ZDHHC7: variants seen among roughly 807,000 people sequenced by gnomAD.
ZDHHC7 encodes the protein zDHHC palmitoyltransferase 7.
A neutral mutation model predicts 34.1 loss-of-function variants in ZDHHC7; 12 were observed. That is an observed-to-expected ratio of 0.35 (90% confidence interval 0.23 to 0.57). The LOEUF (loss-of-function observed/expected upper bound fraction) is 0.57, where lower values mean the gene tolerates loss of function less well. Among genes scored for constraint, ZDHHC7 ranks in the 20% least tolerant of loss-of-function variants. ZDHHC7 has a pLI of 0.84. For synonymous variants in ZDHHC7, 185 were observed against 155.4 expected (o/e 1.19, Z -1.42); for missense variants, 388 against 402.7 (o/e 0.96, Z 0.31).
the ZDHHC7 span, among the ~76,000 whole-genome samples, chr16:85,022,013 A>G: frequency 1.5e-4 from 22 of 151,440 alleles, no homozygotes; most frequent in South Asian, 4.6e-3. Context: ...AAAAAAAATT[A>G]GCCAGGCGTG....
At chr16:85,021,137 T>G in the ZDHHC7 span, among the ~76,000 whole-genome samples, 2 of 144,558 alleles carry the variant, frequency 1.4e-5, no homozygotes, top group South Asian at 2.2e-4. Flanking sequence ...AAGGGGGGGG[T>G]GCACAGTGGC....
chr16:85,020,115 C>G, the ZDHHC7 span, among the ~76,000 whole-genome samples: 1 of 152,238 alleles, frequency 6.6e-6, no homozygotes, highest in African/African-American at 2.4e-5. Context: ...AGCCCACAAT[C>G]CTAGCTCTGT....
upstream of ZDHHC7, among the ~76,000 whole-genome samples, chr16:85,011,785 C>T (rs1340646976): frequency 6.6e-6 from 1 of 152,216 alleles, no homozygotes; most frequent in African/African-American, 2.4e-5. Context: ...GCTGCGGAAC[C>T]GGGTTGGGAA....
At chr16:84,997,623 A>C (rs1330890492) in intron 1 of ZDHHC7, among the ~76,000 whole-genome samples, 1 of 150,844 alleles carries the variant, frequency 6.6e-6, no homozygotes, top group Non-Finnish European at 1.5e-5. Context: ...GGCCAGGCAC[A>C]GTGGCTCACG....
chr16:85,024,867 G>C, the ZDHHC7 span, among the ~76,000 whole-genome samples: 2 of 152,240 alleles, frequency 1.3e-5, no homozygotes, highest in African/African-American at 4.8e-5. Context: ...AGTCCATTCA[G>C]AACAAATCCT....
At chr16:85,008,024 A>T (rs1403098709) in intron 1 of ZDHHC7, among the ~76,000 whole-genome samples, 1 of 151,944 alleles carries the variant, frequency 6.6e-6, no homozygotes, top group East Asian at 1.9e-4. Context: ...CTGAGGTAGA[A>T]GAAACCACTT....
intron 1 of ZDHHC7, among the ~76,000 whole-genome samples, chr16:85,008,025 G>A (rs1464051856): frequency 6.6e-6 from 1 of 151,922 alleles, no homozygotes; most frequent in African/African-American, 2.4e-5. Context: ...TGAGGTAGAA[G>A]AAACCACTTG....
chr16:85,024,281 G>C, the ZDHHC7 span, among the ~76,000 whole-genome samples: 3 of 138,004 alleles, frequency 2.2e-5, no homozygotes, highest in Non-Finnish European at 4.5e-5. Context: ...GCCTAGGCTA[G>C]AGTGCAATGG....
chr16:85,026,813 C>T, the ZDHHC7 span, among the ~76,000 whole-genome samples: 1 of 151,892 alleles, frequency 6.6e-6, no homozygotes, highest in African/African-American at 2.4e-5. Context: ...CCAGAAGGAG[C>T]ATTATAGCAC....
Position 84,974,226 on chromosome 16 carries a change from C to G in ZDHHC7, c.*2117G>C, listed in dbSNP as rs1049269996. 22 of 152,184 alleles carry G rather than the reference C, an allele frequency of 1.4e-4. No homozygotes were observed. Among genetic ancestry groups the G allele is most frequent in the African/African-American group, 5.1e-4 (21 of 41,446 alleles). 9.4% of individuals were successfully genotyped at this position (152,184 alleles called of 1,614,324 possible). A position where few individuals can be genotyped will look rare whatever the true frequency, so the allele number is the denominator to read the frequency against. ...ATTTCAACGTGCACTAAAAAAAGGA[C>G]TAAGTAAAACGATGGGAGTCGAATT... On this transcript the variant is annotated 3_prime_UTR_variant, in exon 8 of 8. Coordinates refer to ENST00000313732, the MANE Select transcript of ZDHHC7 (RefSeq NM_017740.3).
intron 1 of ZDHHC7, among the ~76,000 whole-genome samples, chr16:85,000,822 A>T (rs1597558075): frequency 6.6e-6 from 1 of 152,348 alleles, no homozygotes; most frequent in East Asian, 1.9e-4. Flanking sequence ...AGCAGAGCGC[A>T]CACAGCAGCG....
chr16:84,998,119 C>T (rs1405893105), intron 1 of ZDHHC7, among the ~76,000 whole-genome samples: 2 of 150,728 alleles, frequency 1.3e-5, no homozygotes, highest in East Asian at 3.9e-4. Flanking sequence ...AAAAAATTAG[C>T]CGGGCGTGGT....
chr16:85,015,042 T>C (rs1016504154), upstream of ZDHHC7, among the ~76,000 whole-genome samples: 7 of 151,792 alleles, frequency 4.6e-5, no homozygotes, highest in African/African-American at 1.7e-4. Flanking sequence ...TAAGGGGTTG[T>C]GGAGACTTTG....
upstream of ZDHHC7, among the ~76,000 whole-genome samples, chr16:85,013,334 C>T (rs529624285): frequency 2.4e-4 from 37 of 151,592 alleles, no homozygotes; most frequent in Admixed American, 7.2e-4. Flanking sequence ...CCTCCACTTC[C>T]GGGGTTTAAG....
chr16:85,008,248 A>C (rs970716875), intron 1 of ZDHHC7, among the ~76,000 whole-genome samples: 4 of 152,060 alleles, frequency 2.6e-5, no homozygotes, highest in Non-Finnish European at 5.9e-5. Flanking sequence ...CTATCTGGGA[A>C]CTAATATCAA....
At chr16:84,989,817 T>C (rs1370580161) in intron 3 of ZDHHC7, among the ~76,000 whole-genome samples, 1 of 151,882 alleles carries the variant, frequency 6.6e-6, no homozygotes, top group Non-Finnish European at 1.5e-5. Context: ...CCCTATACCA[T>C]GGTTTAAAAC....
rs569242726 is a variant in ZDHHC7 at position 84,990,685 on chromosome 16, C to T, written c.-17-50G>A. The T allele has an allele frequency of 2.1e-5, 31 of 1,496,742 alleles. No individual in the cohort carries two copies. The African/African-American group carries it at 3.0e-4, about 15-fold the overall frequency. The allele number at this position is 1,496,742 out of a possible 1,614,324, so 92.7% of individuals were successfully genotyped here. ...TGGTAAGGCTCAAAAAGCTCACAAGCTACCTTAAATATGATGTGTTACAGT... is the reference window on the plus strand; with the variant it reads ...TGGTAAGGCTCAAAAAGCTCACAAGTTACCTTAAATATGATGTGTTACAGT... On this transcript the variant is annotated intron_variant, in intron 2 of 7. Coordinates refer to ENST00000313732, the MANE Select transcript of ZDHHC7 (RefSeq NM_017740.3).
chr16:85,014,184 G>A (rs2072824982), upstream of ZDHHC7, among the ~76,000 whole-genome samples: 1 of 152,178 alleles, frequency 6.6e-6, no homozygotes, highest in Non-Finnish European at 1.5e-5. Context: ...TAATCAAAAG[G>A]ATTGGAATCT....
intron 1 of ZDHHC7, among the ~76,000 whole-genome samples, chr16:85,007,619 C>T (rs1251530778): frequency 6.6e-6 from 1 of 151,874 alleles, no homozygotes; most frequent in African/African-American, 2.4e-5. Flanking sequence ...GCGTTAACAT[C>T]AGGAAGGAGG....
Sources: allele counts gnomAD v4.1 joint callset (sites outside exome capture counted in the v4.1 genomes callset), GRCh38; gene constraint gnomAD v4.1.1; transcripts MANE v1.5; gene names NCBI Gene and HGNC (gene_info 2026-07-23, HGNC 2026-07-21).